The following IL1RAPL1 variants were observed in gnomAD, a reference collection of about 807,000 sequenced individuals.
The protein encoded by IL1RAPL1 is interleukin-1 receptor accessory protein-like 1.
In IL1RAPL1, 3 loss-of-function variants were observed where a neutral mutation model predicts 48.4. The observed-to-expected ratio is 0.06, with a 90% CI of 0.03 to 0.16. IL1RAPL1 has a LOEUF of 0.16. Ranked by LOEUF, IL1RAPL1 falls within the 10% of genes least tolerant of loss-of-function variation. The pLI is 1.00. For synonymous variants in IL1RAPL1, 185 were observed against 187.7 expected, an observed-to-expected ratio of 0.99 and a Z score of 0.12; for missense variants, 349 against 530.6, an observed-to-expected ratio of 0.66 and a Z score of 3.36.
chrX:28,736,384 A>G, intron 1 of IL1RAPL1, among the ~76,000 whole-genome samples: 1 of 107,779 alleles, frequency 9.3e-6, no homozygotes. Context: ...CAGTGAGCCG[A>G]GGTTGTGCCA....
chrX:28,836,969 GA>G (rs971911712), intron 2 of IL1RAPL1, among the ~76,000 whole-genome samples: 1 of 109,043 alleles, frequency 9.2e-6, no homozygotes, highest in South Asian at 4.0e-4. Context: ...TTGGCACCTT[GA>G]AAAAAAACGA....
rs182722919 is a variant in IL1RAPL1, at chrX:29,270,237, G to C, written c.83-12701G>C. Among the ~76,000 whole-genome samples, 129 of 111,855 alleles carry C rather than the reference G, an allele frequency of 1.2e-3. 1 individual carries two copies. The highest frequency in any genetic ancestry group is 4.1e-3 in the African/African-American group (126 of 30,860). Reference sequence around the variant, plus strand: ...AGTTGTGTGCACGTGTATAGACGTAGAGTTTTCTTGTCTTAGTCAAATACC... The same window carrying C: ...AGTTGTGTGCACGTGTATAGACGTACAGTTTTCTTGTCTTAGTCAAATACC... On this transcript the variant is annotated intron_variant, in intron 2 of 10. Coordinates refer to ENST00000378993, the MANE Select transcript of IL1RAPL1 (RefSeq NM_014271.4).
chrX:28,812,300 T>G (rs1436144871), intron 2 of IL1RAPL1, among the ~76,000 whole-genome samples: 1 of 111,037 alleles, frequency 9.0e-6, no homozygotes, highest in South Asian at 3.7e-4. Flanking sequence ...TTCTTTTTAA[T>G]TCAATTATAT....
chrX:29,827,848 A>G (rs891183856), intron 6 of IL1RAPL1, among the ~76,000 whole-genome samples: 3 of 112,489 alleles, frequency 2.7e-5, no homozygotes, highest in African/African-American at 9.7e-5. Context: ...GATGTGTGGC[A>G]CATAGTGTTA....
At chrX:28,653,844 G>A (rs937859465) in intron 1 of IL1RAPL1, among the ~76,000 whole-genome samples, 26 of 111,826 alleles carry the variant, frequency 2.3e-4, no homozygotes, top group Non-Finnish European at 1.9e-5. Flanking sequence ...CAGCTAAAGT[G>A]TTAATTTATT....
In IL1RAPL1 at chrX:29,310,093, C is replaced by CAAAAAAAA. The variant is rs57210050; in HGVS notation, c.362+26905_362+26912dup. ...TGGGCGACAGAGCGAGACTCCGTCT[C>CAAAAAAAA]AAAAAAAAAAAAAAAAAAAAAAAAA... On this transcript the variant is annotated intron_variant, in intron 3 of 10. Coordinates refer to ENST00000378993, the MANE Select transcript of IL1RAPL1 (RefSeq NM_014271.4). Among the ~76,000 whole-genome samples the CAAAAAAAA allele has an allele frequency of 8.2e-3, 195 of 23,743 alleles. 15 individuals are homozygous for CAAAAAAAA. The highest frequency in any genetic ancestry group is 0.011 in the Non-Finnish European group (166 of 15,498). 20.6% of individuals were successfully genotyped at this position (23,743 alleles called of 115,157 possible).
intron 2 of IL1RAPL1, among the ~76,000 whole-genome samples, chrX:28,940,393 A>T (rs895507713): frequency 2.7e-5 from 3 of 111,684 alleles, no homozygotes; most frequent in East Asian, 2.8e-4. Flanking sequence ...ACCAGTGTAA[A>T]TAAAAATGAT....
intron 2 of IL1RAPL1, among the ~76,000 whole-genome samples, chrX:28,953,926 T>G (rs1409423863): frequency 9.0e-6 from 1 of 111,578 alleles, no homozygotes; most frequent in African/African-American, 3.2e-5. Context: ...TTTTCAAGAT[T>G]TGAAAGTGAC....
intron 3 of IL1RAPL1, among the ~76,000 whole-genome samples, chrX:29,374,307 T>G (rs1933589291): frequency 1.0e-5 from 1 of 98,404 alleles, no homozygotes; most frequent in African/African-American, 3.7e-5. Context: ...TTTTTTTTTT[T>G]TTTTTTAACA....
chrX:29,076,142 C>A (rs1167346486), intron 2 of IL1RAPL1, among the ~76,000 whole-genome samples: 2 of 111,735 alleles, frequency 1.8e-5, no homozygotes, highest in Non-Finnish European at 3.8e-5. Flanking sequence ...GTTATTCTTT[C>A]TTTCCTAATT....
At chrX:28,924,939 T>C (rs1262892817) in intron 2 of IL1RAPL1, among the ~76,000 whole-genome samples, 1 of 112,270 alleles carries the variant, frequency 8.9e-6, no homozygotes, top group Non-Finnish European at 1.9e-5. Flanking sequence ...TGGACTTTTC[T>C]TTATCATAAC....
At chrX:29,399,075 C>G in intron 4 of IL1RAPL1, 80 bp from the exon 5 acceptor site, 2 of 783,143 alleles carry the variant, frequency 2.6e-6, no homozygotes, top group East Asian at 6.4e-5. Flanking sequence ...ATTTTAGAAG[C>G]TTTTGTTTTA....
chrX:28,911,768 TA>T, intron 2 of IL1RAPL1, among the ~76,000 whole-genome samples: 1 of 110,158 alleles, frequency 9.1e-6, no homozygotes, highest in African/African-American at 3.3e-5. Context: ...CTTGGATGAC[TA>T]AAAAAGGAGA....
chrX:29,762,092 A>T (rs1648517325), intron 6 of IL1RAPL1, among the ~76,000 whole-genome samples: 1 of 112,084 alleles, frequency 8.9e-6, no homozygotes, highest in African/African-American at 3.2e-5. Context: ...ATAATTAATT[A>T]GAAGAACAAA....
intron 6 of IL1RAPL1, among the ~76,000 whole-genome samples, chrX:29,810,650 A>G (rs922407383): frequency 9.0e-6 from 1 of 111,323 alleles, no homozygotes; most frequent in African/African-American, 3.3e-5. Context: ...GAAATAAGAT[A>G]TATTTTCTTA....
At chrX:28,702,412 A>G (rs930244909) in intron 1 of IL1RAPL1, among the ~76,000 whole-genome samples, 2 of 112,108 alleles carry the variant, frequency 1.8e-5, no homozygotes, top group South Asian at 7.3e-4. Context: ...CAAGGTTATG[A>G]TGGCACAATT....
intron 3 of IL1RAPL1, among the ~76,000 whole-genome samples, chrX:29,292,665 C>T (rs1932388822): frequency 9.0e-6 from 1 of 110,932 alleles, no homozygotes; most frequent in Admixed American, 9.7e-5. Flanking sequence ...ATATCCTACC[C>T]AGTAATTTTA....
At chrX:29,751,238 T>C (rs185211044) in intron 6 of IL1RAPL1, among the ~76,000 whole-genome samples, 16 of 111,606 alleles carry the variant, frequency 1.4e-4, no homozygotes, top group African/African-American at 5.2e-4. Context: ...GGCCACAAAA[T>C]ATTGATACAG....
At chrX:29,518,698 G>A (rs1267590132) in intron 5 of IL1RAPL1, among the ~76,000 whole-genome samples, 2 of 111,286 alleles carry the variant, frequency 1.8e-5, no homozygotes. Context: ...GAGAGACAGT[G>A]GGAATAAAGT....
Sources: allele counts gnomAD v4.1 joint callset (sites outside exome capture counted in the v4.1 genomes callset), GRCh38; gene constraint gnomAD v4.1.1; transcripts MANE v1.5; gene names NCBI Gene and HGNC (gene_info 2026-07-23, HGNC 2026-07-21).